PADI3: variants seen among roughly 807,000 people sequenced by gnomAD.
The protein encoded by PADI3 is peptidyl arginine deiminase 3, also known as protein-arginine deiminase type-3.
In PADI3, 53 loss-of-function variants were observed where a neutral mutation model predicts 71.5. The observed-to-expected ratio is 0.74, with a 90% CI of 0.59 to 0.93. PADI3 has a LOEUF of 0.93. Ranked by LOEUF, PADI3 falls within the 40% of genes least tolerant of loss-of-function variation. The pLI, the probability that PADI3 is intolerant of heterozygous loss-of-function variation, is 0.00. For missense variants in PADI3, 821 were observed against 868.0 expected (o/e 0.95, Z 0.68); for synonymous variants, 361 against 347.5 (o/e 1.04, Z -0.43).
chr1:17,283,114 C>G lies in PADI3; in HGVS notation c.*35C>G. The G allele has an allele frequency of 6.5e-7, 1 of 1,548,796 alleles. No individual in the cohort carries two copies. Among genetic ancestry groups the G allele is most frequent in the Non-Finnish European group, 8.9e-7 (1 of 1,123,596 alleles). ...CACCCACCATCCTGTCCCCCTGGGG[C>G]GGGCATTGGCCCAGGTGGTGGAGAC... On this transcript the variant is annotated 3_prime_UTR_variant, in exon 16 of 16. Coordinates refer to ENST00000375460, the MANE Select transcript of PADI3 (RefSeq NM_016233.2).
rs4298779 is a variant in PADI3, at chr1:17,262,739, G to C, written c.346+534G>C. On this transcript the variant is annotated intron_variant, in intron 3 of 15. Coordinates refer to ENST00000375460, the MANE Select transcript of PADI3 (RefSeq NM_016233.2). Reference sequence around the variant, plus strand: ...CACCAGTAGACTTGACACAGCTGAGGAAAGAATCAGTGAACTTGAAGATAA... The same window carrying C: ...CACCAGTAGACTTGACACAGCTGAGCAAAGAATCAGTGAACTTGAAGATAA... Among the ~76,000 whole-genome samples, 45 of 152,142 alleles carry C rather than the reference G, an allele frequency of 3.0e-4. 1 individual carries two copies. The highest frequency in any genetic ancestry group is 1.0e-3 in the African/African-American group (43 of 41,484).
At chr1:17,261,489 C>T (rs1261411288) in intron 2 of PADI3, among the ~76,000 whole-genome samples, 5 of 152,200 alleles carry the variant, frequency 3.3e-5, no homozygotes, top group African/African-American at 1.2e-4. Flanking sequence ...GAATCTGGGC[C>T]CAGGCCATCT....
At chr1:17,249,624 A>AC (rs2072941372) in intron 1 of PADI3, among the ~76,000 whole-genome samples, 1 of 152,230 alleles carries the variant, frequency 6.6e-6, no homozygotes, top group South Asian at 2.1e-4. Flanking sequence ...GAGCCTAGAA[A>AC]CAGAGCATGA....
At position 17,270,982 on chromosome 1, in the gene PADI3, G is replaced by T; in HGVS notation, c.935G>T (p.Arg312Leu). ...TLPPLEVYVCRVRNNTCFVDA... is the reference protein window; with the variant it reads ...TLPPLEVYVCLVRNNTCFVDA... Reference sequence around the variant, plus strand: ...CCACCCCTAGAGGTGTATGTGTGCCGGTGAGTCTTGGGGCAGTGGGTGGTC... The same window carrying T: ...CCACCCCTAGAGGTGTATGTGTGCCTGTGAGTCTTGGGGCAGTGGGTGGTC... Residue 312 changes from arginine (R) to leucine (L), a missense_variant and splice_region_variant, in exon 8 of 16, where the codon CGT becomes CTT. Transcript: ENST00000375460. 6.2e-7 allele frequency: 1 copy of T among 1,613,818 alleles called. No homozygotes were observed. The highest frequency in any genetic ancestry group is 8.5e-7 in the Non-Finnish European group (1 of 1,179,802).
chr1:17,282,787 G>A, intron 15 of PADI3, 59 bp from the exon 16 acceptor site: 1 of 1,277,278 alleles, frequency 7.8e-7, no homozygotes, highest in South Asian at 1.3e-5. Flanking sequence ...CCTGCAGGTA[G>A]AGTAGAGGTG....
chr1:17,280,942 T>A, intron 15 of PADI3, 146 bp downstream of exon 15: 1 of 1,012,814 alleles, frequency 9.9e-7, no homozygotes, highest in Non-Finnish European at 1.4e-6. Context: ...ATGGTGCTCC[T>A]CAGAAGGGCT....
At position 17,265,676 on chromosome 1, in the gene PADI3, G is replaced by C; in HGVS notation, c.364G>C (p.Asp122His). 1 of 1,614,178 alleles carries C rather than the reference G, an allele frequency of 6.2e-7. No homozygotes were observed. The highest frequency in any genetic ancestry group is 1.3e-5 in the African/African-American group (1 of 75,054). The change falls in exon 4 of 16, where the codon GAC becomes CAC. Residue 122 changes from aspartate to histidine, a missense_variant. Transcript: ENST00000375460. ...TCTTGCAGACATCTCTCTGGATTGC[G>C]ACCTGAACTGTGAGGGAAGGCAGGA... ...LTCVDISLDC[D>H]LNCEGRQDRN...
chr1:17,254,483 T>C (rs540301929), intron 1 of PADI3, among the ~76,000 whole-genome samples: 1 of 152,198 alleles, frequency 6.6e-6, no homozygotes, highest in Admixed American at 6.5e-5. Flanking sequence ...TGGCCATGAG[T>C]CCTGGCTCTG....
Position 17,267,946 on chromosome 1 carries a change from G to A in PADI3, c.636G>A (p.Gln212=). The A allele has an allele frequency of 6.2e-7, 1 of 1,614,166 alleles. No individual in the cohort carries two copies. Among genetic ancestry groups the A allele is most frequent in the South Asian group, 1.1e-5 (1 of 91,086 alleles). The change falls in exon 6 of 16, where the codon CAG becomes CAA. Residue 212 remains glutamine, a synonymous_variant. Transcript: ENST00000375460. ...HTSSYDAKRA[Q]VFHICGPEDV... ...CCAGCTATGATGCCAAACGGGCACA[G>A]GTCTTCCACATCTGCGGTGAGTTTG...
In PADI3 at chr1:17,270,298, C is replaced by T. The variant is rs775107788; in HGVS notation, c.718C>T (p.Pro240Ser). The change falls in exon 7 of 16, where the codon CCC (proline) becomes TCC (serine). Residue 240 changes from proline (P) to serine (S), a missense_variant. By Grantham distance (74) the Pro-to-Ser change is moderately conservative. Coordinates refer to ENST00000375460, the MANE Select transcript of PADI3 (RefSeq NM_016233.2). ...LGQDKVSYEV[P>S]RLHGDEERFF... ...CCAAGATAAGGTGTCCTATGAGGTA[C>T]CCCGCTTGCATGGGGATGAGGAGCG... 3 of 1,613,972 alleles carry T rather than the reference C, an allele frequency of 1.9e-6. No homozygotes were observed. The highest frequency in any genetic ancestry group is 2.5e-6 in the Non-Finnish European group (3 of 1,179,990).
chr1:17,270,922 G>A lies in PADI3; in HGVS notation c.875G>A (p.Arg292Gln), dbSNP rs568276808. 49 of 1,614,010 alleles carry A rather than the reference G, an allele frequency of 3.0e-5. No individual in the cohort carries two copies. In the East Asian group the frequency reaches 8.5e-4, roughly 28 times the overall value. ...ATCTTCACTGACACTGTGGTGTTCC[G>A]AGTGGCACCCTGGATCATGACGCCC... ...SPIFTDTVVF[R>Q]VAPWIMTPST... The change falls in exon 8 of 16, where the codon CGA (arginine) becomes CAA (glutamine). Residue 292 changes from arginine (R) to glutamine (Q), a missense_variant. Coordinates refer to ENST00000375460, the MANE Select transcript of PADI3 (RefSeq NM_016233.2).
At chr1:17,261,003 G>T (rs1357258589) in intron 2 of PADI3, among the ~76,000 whole-genome samples, 2 of 152,178 alleles carry the variant, frequency 1.3e-5, no homozygotes, top group Admixed American at 6.5e-5. Context: ...CTTTGGCCAG[G>T]ATCCCAGTAA....
chr1:17,264,395 C>A (rs1462753338), intron 3 of PADI3, among the ~76,000 whole-genome samples: 1 of 151,818 alleles, frequency 6.6e-6, no homozygotes, highest in Admixed American at 6.6e-5. Flanking sequence ...AAGAATAGCT[C>A]AGAAAATAAA....
chr1:17,270,433 G>A, intron 7 of PADI3, 22 bp downstream of exon 7: 2 of 1,599,478 alleles, frequency 1.3e-6, no homozygotes, highest in Non-Finnish European at 1.7e-6. Flanking sequence ...GGGGGTTCAA[G>A]AGGAGCTCCA....
intron 9 of PADI3, among the ~76,000 whole-genome samples, chr1:17,271,836 C>CAAAAAAAAAAAAAA (rs71571852): frequency 2.5e-5 from 2 of 79,430 alleles, no homozygotes; most frequent in Non-Finnish European, 4.6e-5. Context: ...GCAACAACAA[C>CAAAAAAAAAAAAAA]AAAAAAAAAA....
intron 1 of PADI3, among the ~76,000 whole-genome samples, chr1:17,249,643 T>A (rs892473660): frequency 3.3e-5 from 5 of 152,230 alleles, no homozygotes; most frequent in Non-Finnish European, 5.9e-5. Flanking sequence ...GAATCATTTT[T>A]AAAAAATAAG....
chr1:17,263,540 A>T (rs1167127398), intron 3 of PADI3, among the ~76,000 whole-genome samples: 1 of 152,246 alleles, frequency 6.6e-6, no homozygotes, highest in Non-Finnish European at 1.5e-5. Context: ...TCAAAATTGT[A>T]AAGCTTTTAG....
In PADI3 at chr1:17,270,396, G is replaced by A. The variant is rs2073231139; in HGVS notation, c.816G>A (p.Leu272=). 1.2e-6 allele frequency: 2 copies of A among 1,613,344 alleles called. No individual in the cohort carries two copies. Among genetic ancestry groups the A allele is most frequent in the Non-Finnish European group, 1.7e-6 (2 of 1,179,706 alleles). ...TGLISFHVTL[L]DDSNEDFSAS... ...TCATCTCCTTCCATGTCACTCTGCT[G>A]GACGACTCCAACGAGGTAGGGACAG... The change falls in exon 7 of 16, where the codon CTG becomes CTA. Residue 272 remains leucine (L), a synonymous_variant. Coordinates refer to ENST00000375460, the MANE Select transcript of PADI3 (RefSeq NM_016233.2).
intron 6 of PADI3, among the ~76,000 whole-genome samples, chr1:17,269,021 G>A (rs1191613412): frequency 6.6e-6 from 1 of 151,464 alleles, no homozygotes; most frequent in Non-Finnish European, 1.5e-5. Context: ...GAGTAGCTGG[G>A]ACTACAGGCA....
Sources: allele counts gnomAD v4.1 joint callset (sites outside exome capture counted in the v4.1 genomes callset), GRCh38; gene constraint gnomAD v4.1.1; transcripts MANE v1.5; gene names NCBI Gene and HGNC (gene_info 2026-07-23, HGNC 2026-07-21).